Variants in TSPAN14 observed in about 807,000 individuals in gnomAD.
The protein encoded by TSPAN14 is tetraspanin 14.
Under a neutral mutation model 36.6 loss-of-function variants are expected in TSPAN14, and 16 were observed. The ratio of observed to expected loss-of-function variants is 0.44; its 90% CI spans 0.30 to 0.66. The LOEUF is 0.66. Among genes scored for constraint, TSPAN14 ranks in the 30% least tolerant of loss-of-function variants. The pLI, the probability that TSPAN14 is intolerant of heterozygous loss-of-function variation, is 0.12. For missense variants in TSPAN14, 231 were observed against 355.1 expected, an observed-to-expected ratio of 0.65 and a Z score of 2.81; for synonymous variants, 139 against 143.8, an observed-to-expected ratio of 0.97 and a Z score of 0.24.
chr10:80,477,939 A>G (rs1033350066), intron 1 of TSPAN14, among the ~76,000 whole-genome samples: 5 of 152,170 alleles, frequency 3.3e-5, no homozygotes, highest in Non-Finnish European at 7.3e-5. Context: ...GACAACAGGG[A>G]TTTCCCAGCA....
intron 1 of TSPAN14, among the ~76,000 whole-genome samples, chr10:80,467,561 C>G (rs1022261719): frequency 6.6e-6 from 1 of 152,202 alleles, no homozygotes; most frequent in Non-Finnish European, 1.5e-5. Context: ...ATTAATCTAA[C>G]TCCAAAATGG....
chr10:80,508,818 G>A (rs1840453353), intron 4 of TSPAN14, among the ~76,000 whole-genome samples: 1 of 152,172 alleles, frequency 6.6e-6, no homozygotes, highest in South Asian at 2.1e-4. Flanking sequence ...AGATACGTAG[G>A]CACTCGATGG....
chr10:80,457,068 A>C (rs1431003340), intron 1 of TSPAN14, among the ~76,000 whole-genome samples: 1 of 152,168 alleles, frequency 6.6e-6, no homozygotes, highest in Non-Finnish European at 1.5e-5. Flanking sequence ...ATCTCAAAAA[A>C]CAAAAAACAA....
intron 1 of TSPAN14, among the ~76,000 whole-genome samples, chr10:80,485,445 C>G (rs997682114): frequency 2.0e-5 from 3 of 152,178 alleles, no homozygotes; most frequent in Non-Finnish European, 4.4e-5. Context: ...CTCAGGAGCG[C>G]TCAGTCCTTT....
At chr10:80,458,015 T>C (rs143738721) in intron 1 of TSPAN14, among the ~76,000 whole-genome samples, 49 of 152,278 alleles carry the variant, frequency 3.2e-4, no homozygotes, top group African/African-American at 1.2e-3. Context: ...TTAAGATGCC[T>C]ATGGGAAGGG....
At chr10:80,477,926 G>C (rs1847013673) in intron 1 of TSPAN14, among the ~76,000 whole-genome samples, 1 of 152,172 alleles carries the variant, frequency 6.6e-6, no homozygotes, top group South Asian at 2.1e-4. Flanking sequence ...TACAAATGAT[G>C]CTGACAACAG....
exon 9 of TSPAN14, chr10:80,519,538 CTG>C (rs1292859245): frequency 1.5e-5 from 2 of 135,590 alleles, no homozygotes; most frequent in African/African-American, 6.1e-5. Context: ...ACACAATTCT[CTG>C]TAGACTAGGA....
chr10:80,468,177 G>A (rs558366921), intron 1 of TSPAN14, among the ~76,000 whole-genome samples: 3 of 152,012 alleles, frequency 2.0e-5, no homozygotes, highest in South Asian at 2.1e-4. Context: ...CTCTGGGCCC[G>A]CCCACCCAAA....
Position 80,456,794 on chromosome 10 carries a change from G to C in TSPAN14, c.-18+2423G>C, listed in dbSNP as rs1845752805. On this transcript the variant is annotated intron_variant, in intron 1 of 8. Transcript: ENST00000429989. ...AACAGCTGTGATGGCTGGGCGTGATGGCTCATGCCTGTAATCCCAGCACTT... is the reference window on the plus strand; with the variant it reads ...AACAGCTGTGATGGCTGGGCGTGATCGCTCATGCCTGTAATCCCAGCACTT... Among the ~76,000 whole-genome samples, 6 of 152,248 alleles carry C rather than the reference G, an allele frequency of 3.9e-5. No individual in the cohort carries two copies. In the South Asian group the frequency reaches 1.2e-3, roughly 32 times the overall value.
At chr10:80,482,489 T>C (rs951998933) in intron 1 of TSPAN14, among the ~76,000 whole-genome samples, 1 of 150,606 alleles carries the variant, frequency 6.6e-6, no homozygotes, top group African/African-American at 2.5e-5. Context: ...GGTTTCGCCA[T>C]GTTGACCAGG....
At chr10:80,492,333 T>G (rs1847962928) in intron 2 of TSPAN14, among the ~76,000 whole-genome samples, 1 of 152,164 alleles carries the variant, frequency 6.6e-6, no homozygotes, top group Admixed American at 6.6e-5. Flanking sequence ...GATTTTGCAG[T>G]GTTTTTATTT....
intron 1 of TSPAN14, among the ~76,000 whole-genome samples, chr10:80,481,926 T>C (rs914298768): frequency 1.3e-5 from 2 of 152,112 alleles, no homozygotes; most frequent in African/African-American, 4.8e-5. Flanking sequence ...GCTAATTGTT[T>C]GTATTTTTAG....
At chr10:80,505,259 G>A (rs769385084) in intron 3 of TSPAN14, among the ~76,000 whole-genome samples, 3 of 152,220 alleles carry the variant, frequency 2.0e-5, no homozygotes, top group Non-Finnish European at 4.4e-5. Context: ...CCCAGCCTCA[G>A]GAGGAGAGGG....
At chr10:80,519,292 A>G (rs892670971) in exon 9 of TSPAN14, 10 of 152,760 alleles carry the variant, frequency 6.5e-5, no homozygotes, top group African/African-American at 2.2e-4. Context: ...TCACTGGTCC[A>G]CCCTTCCTGT....
chr10:80,457,672 C>T (rs977090971), intron 1 of TSPAN14, among the ~76,000 whole-genome samples: 3 of 152,176 alleles, frequency 2.0e-5, no homozygotes, highest in Middle Eastern at 3.2e-3. Flanking sequence ...GCAGGTACCC[C>T]GGAACCCCCG....
At chr10:80,469,065 T>C (rs1322732517) in intron 1 of TSPAN14, among the ~76,000 whole-genome samples, 3 of 150,960 alleles carry the variant, frequency 2.0e-5, no homozygotes. Flanking sequence ...TATTCCTCGG[T>C]GCCGGGGATG....
At chr10:80,455,121 C>T (rs75623338) in intron 1 of TSPAN14, among the ~76,000 whole-genome samples, 2,492 of 152,192 alleles carry the variant, frequency 0.016, 90 homozygotes, top group South Asian at 0.13. Context: ...CTCCTCCACC[C>T]CCAGGGGTGG....
Position 80,485,737 on chromosome 10 carries a change from TG to T in TSPAN14, c.-17-3478del, listed in dbSNP as rs1359536854. ...CCTCCCTGTCCCGAGGTTAGGTGGG[TG>T]GCAGGGGTGGGAAAGCGGGGAGCGG... is the stretch of plus-strand genomic sequence containing the variant. On this transcript the variant is annotated intron_variant, in intron 1 of 8. Transcript: ENST00000429989. 6 of 965,614 alleles carry T rather than the reference TG, an allele frequency of 6.2e-6. No individual in the cohort carries two copies. In the African/African-American group the frequency reaches 1.1e-4, roughly 17 times the overall value. 59.8% of individuals were successfully genotyped at this position (965,614 alleles called of 1,614,324 possible). A position where few individuals can be genotyped will look rare whatever the true frequency, so the allele number is the denominator to read the frequency against.
intron 1 of TSPAN14, among the ~76,000 whole-genome samples, chr10:80,456,263 G>C (rs1333608724): frequency 6.6e-6 from 1 of 152,172 alleles, no homozygotes; most frequent in Non-Finnish European, 1.5e-5. Context: ...GTTGTGGGGG[G>C]GGTCTGAGCC....
Sources: gnomAD v4.1 joint callset for allele counts (sites outside exome capture counted in the v4.1 genomes callset) on GRCh38, gnomAD v4.1.1 for gene constraint, MANE v1.5 for transcripts, NCBI Gene and HGNC (gene_info 2026-07-23, HGNC 2026-07-21) for gene names.